The following RPS6KA2 variants were observed in gnomAD, a reference collection of about 807,000 sequenced individuals.
RPS6KA2 encodes the protein ribosomal protein S6 kinase alpha-2.
A neutral mutation model predicts 91.8 loss-of-function variants in RPS6KA2; 42 were observed. The observed-to-expected ratio is 0.46, with a 90% CI of 0.36 to 0.59. RPS6KA2 has a LOEUF of 0.59. Among genes scored for constraint, RPS6KA2 ranks in the 20% least tolerant of loss-of-function variants. RPS6KA2 has a pLI of 0.00. For synonymous variants in RPS6KA2, 414 were observed against 393.6 expected (o/e 1.05, Z -0.61); for missense variants, 798 against 978.5 (o/e 0.82, Z 2.46).
chr6:166,745,377 C>T (rs1790970613), intron 2 of RPS6KA2, among the ~76,000 whole-genome samples: 1 of 152,108 alleles, frequency 6.6e-6, no homozygotes, highest in Non-Finnish European at 1.5e-5. Flanking sequence ...GTCTCGAACT[C>T]CTGACCTCAG....
chr6:166,641,512 T>A (rs1327438504), intron 2 of RPS6KA2, among the ~76,000 whole-genome samples: 2 of 151,564 alleles, frequency 1.3e-5, no homozygotes, highest in African/African-American at 2.4e-5. Context: ...TCACTTGAAG[T>A]CAGGAGTTCA....
intron 6 of RPS6KA2, among the ~76,000 whole-genome samples, chr6:166,503,496 C>T (rs1452838046): frequency 6.6e-6 from 1 of 152,218 alleles, no homozygotes; most frequent in Non-Finnish European, 1.5e-5. Flanking sequence ...AGGGCCCCCC[C>T]TTGGTCTTAG....
At chr6:166,669,554 T>C (rs1318682176) in intron 2 of RPS6KA2, among the ~76,000 whole-genome samples, 1 of 152,238 alleles carries the variant, frequency 6.6e-6, no homozygotes, top group Non-Finnish European at 1.5e-5. Flanking sequence ...AGTGCTGGAA[T>C]TGCACGGGGC....
chr6:166,705,703 G>A (rs867466488), intron 2 of RPS6KA2, among the ~76,000 whole-genome samples: 1 of 152,328 alleles, frequency 6.6e-6, no homozygotes. Context: ...CACAATCCTA[G>A]ACATAGACAC....
chr6:166,604,797 G>A (rs539605546), intron 1 of RPS6KA2, among the ~76,000 whole-genome samples: 21 of 152,288 alleles, frequency 1.4e-4, no homozygotes, highest in Non-Finnish European at 2.6e-4. Flanking sequence ...CTCACCCAAC[G>A]CAGACCTACC....
At chr6:166,562,161 G>C (rs1397155784) in intron 1 of RPS6KA2, among the ~76,000 whole-genome samples, 1 of 152,014 alleles carries the variant, frequency 6.6e-6, no homozygotes, top group Non-Finnish European at 1.5e-5. Flanking sequence ...GAGGCAAATA[G>C]ATTTCAAAGC....
chr6:166,495,977 A>G lies in RPS6KA2; in HGVS notation c.747+2531T>C, dbSNP rs1187213593. On this transcript the variant is annotated intron_variant, in intron 8 of 20. Transcript: ENST00000265678. The surrounding 1 kb of genome is among the most constrained non-coding windows in gnomAD (Gnocchi z 4.4). The stretch of plus-strand genomic sequence containing the variant: ...CCCCTCGTCGTGTCTCCATCTTTGG[A>G]TCATTCCTCTTCTGTCTCTTCTGTT... 6.6e-6 allele frequency among the ~76,000 whole-genome samples: 1 copy of G among 152,100 alleles called. No homozygotes were observed. Among genetic ancestry groups the G allele is most frequent in the Non-Finnish European group, 1.5e-5 (1 of 68,022 alleles).
intron 2 of RPS6KA2, among the ~76,000 whole-genome samples, chr6:166,800,707 G>C (rs1322336356): frequency 6.6e-6 from 1 of 152,168 alleles, no homozygotes; most frequent in African/African-American, 2.4e-5. Context: ...ACCTGGTCTA[G>C]GGTATTTTGT....
chr6:166,700,660 C>A (rs1290093569), intron 2 of RPS6KA2, among the ~76,000 whole-genome samples: 1 of 152,108 alleles, frequency 6.6e-6, no homozygotes, highest in Non-Finnish European at 1.5e-5. Context: ...ATGCTAATGG[C>A]TTAACATTTA....
intron 2 of RPS6KA2, among the ~76,000 whole-genome samples, chr6:166,829,986 C>T (rs979862101): frequency 6.6e-6 from 1 of 151,274 alleles, no homozygotes; most frequent in Non-Finnish European, 1.5e-5. Context: ...ACTATCTGGG[C>T]GTAGTGGTGG....
chr6:166,495,256 G>T lies in RPS6KA2; in HGVS notation c.747+3252C>A, dbSNP rs188537380. On this transcript the variant is annotated intron_variant, in intron 8 of 20. Transcript: ENST00000265678. This position sits in a 1 kb window ranked among gnomAD's most constrained non-coding sequence, Gnocchi z 4.4. The stretch of plus-strand genomic sequence containing the variant: ...ATGTGAAGATGGCCAGGCAGCCTTA[G>T]CTTGTGGTCACCACGGCAACAGCCA... 1.6e-3 allele frequency among the ~76,000 whole-genome samples: 238 copies of T among 152,126 alleles called. No individual in the cohort carries two copies. The highest frequency in any genetic ancestry group is 5.1e-3 in the African/African-American group (211 of 41,370).
chr6:166,691,809 A>G (rs1789212643), intron 2 of RPS6KA2, among the ~76,000 whole-genome samples: 1 of 152,230 alleles, frequency 6.6e-6, no homozygotes, highest in Non-Finnish European at 1.5e-5. Context: ...GCAGGCATTT[A>G]TGTAATTATC....
intron 2 of RPS6KA2, among the ~76,000 whole-genome samples, chr6:166,748,472 C>T (rs926674862): frequency 8.6e-5 from 13 of 151,972 alleles, no homozygotes; most frequent in East Asian, 1.9e-4. Context: ...GATGCCGGTG[C>T]GGGGCTGGAG....
intron 2 of RPS6KA2, among the ~76,000 whole-genome samples, chr6:166,641,050 G>T (rs1026579046): frequency 6.6e-6 from 1 of 152,308 alleles, no homozygotes; most frequent in Non-Finnish European, 1.5e-5. Context: ...GTTTTTAGAG[G>T]TTCCAGATTG....
At chr6:166,451,637 GA>G (rs1443293970) in intron 12 of RPS6KA2, among the ~76,000 whole-genome samples, 1 of 152,194 alleles carries the variant, frequency 6.6e-6, no homozygotes, top group East Asian at 1.9e-4. Context: ...CAGTGAACAT[GA>G]ATCCTGTATC....
intron 2 of RPS6KA2, among the ~76,000 whole-genome samples, chr6:166,535,050 C>G (rs1783436390): frequency 2.0e-5 from 3 of 152,212 alleles, no homozygotes; most frequent in Admixed American, 6.5e-5. Flanking sequence ...GTGGAATAAG[C>G]TCCAAAACAA....
In RPS6KA2 at chr6:166,826,765, T is replaced by G. The variant is rs902739958; in HGVS notation, c.123+31435A>C. Among the ~76,000 whole-genome samples the G allele has an allele frequency of 4.6e-5, 7 of 152,218 alleles. No individual in the cohort carries two copies. In the South Asian group the frequency reaches 1.4e-3, roughly 32 times the overall value. On this transcript the variant is annotated intron_variant, in intron 2 of 21. Transcript: ENST00000503859. ...TAAGAGGGACATATATGAAATTCAG[T>G]ACTAGATTTAGTATAGGGCTTGGTC...
At chr6:166,787,532 C>A (rs1441973800) in intron 2 of RPS6KA2, among the ~76,000 whole-genome samples, 1 of 151,824 alleles carries the variant, frequency 6.6e-6, no homozygotes, top group Non-Finnish European at 1.5e-5. Context: ...AAAAAATATA[C>A]CCCCTGTTAA....
At chr6:166,602,391 C>T (rs925804769) in intron 1 of RPS6KA2, among the ~76,000 whole-genome samples, 2 of 152,228 alleles carry the variant, frequency 1.3e-5, no homozygotes, top group East Asian at 1.9e-4. Flanking sequence ...CCTGCCCCTA[C>T]GGTGCTCAAG....
Sources: gnomAD v4.1 joint callset for allele counts (sites outside exome capture counted in the v4.1 genomes callset) on GRCh38, gnomAD v4.1.1 for gene constraint, Gnocchi (gnomAD v3.1) non-coding constraint, MANE v1.5 for transcripts, NCBI Gene and HGNC (gene_info 2026-07-23, HGNC 2026-07-21) for gene names.